NFATC4: variants seen among roughly 807,000 people sequenced by gnomAD.
NFATC4 encodes nuclear factor of activated T-cells, cytoplasmic 4.
A neutral mutation model predicts 73.4 loss-of-function variants in NFATC4; 25 were observed. The observed-to-expected ratio is 0.34, with a 90% CI of 0.25 to 0.48. The LOEUF is 0.48. Among genes scored for constraint, NFATC4 ranks in the 20% least tolerant of loss-of-function variants. The pLI is 0.99. For synonymous variants in NFATC4, 523 were observed against 510.3 expected (o/e 1.02, Z -0.34); for missense variants, 1,130 against 1,203.7 (o/e 0.94, Z 0.91).
At position 24,376,607 on chromosome 14, in the gene NFATC4, C is replaced by T. The variant is rs758212728; in HGVS notation, c.2370C>T (p.Asp790=). ...VSFLPRPFPS[D]PYGGRGSSFS... is the part of the protein sequence containing the mutation. ...TCCTTCCCCGCCCCTTCCCTAGTGA[C>T]CCGTATGGAGGGCGGGGCTCCTCTT... is the stretch of plus-strand genomic sequence containing the variant. Residue 790 remains aspartate (D), a synonymous_variant, in exon 9 of 10, where the codon GAC becomes GAT. Transcript: ENST00000250373. This position sits in a 1 kb window ranked among gnomAD's most constrained non-coding sequence, Gnocchi z 5.0. The T allele has an allele frequency of 1.2e-5, 19 of 1,613,712 alleles. No homozygotes were observed. The African/African-American group carries it at 1.2e-4, about 10-fold the overall frequency.
chr14:24,373,812 C>T lies in NFATC4; in HGVS notation c.1677C>T (p.Pro559=), dbSNP rs763486854. Residue 559 remains proline, a synonymous_variant, in exon 5 of 10, where the codon CCC becomes CCT. Coordinates refer to ENST00000250373, the MANE Select transcript of NFATC4 (RefSeq NM_004554.5). The surrounding 1 kb of genome is among the most constrained non-coding windows in gnomAD (Gnocchi z 4.7). Reference sequence around the variant, plus strand: ...GGCTGGTGTTCCGGGTACACGTGCCCCAGGGCGGCGGGAAGGTCGTCTCAG... The same window carrying T: ...GGCTGGTGTTCCGGGTACACGTGCCTCAGGGCGGCGGGAAGGTCGTCTCAG... ...RVRLVFRVHV[P]QGGGKVVSVQ... The T allele has an allele frequency of 5.6e-6, 9 of 1,613,984 alleles. No individual in the cohort carries two copies. The Admixed American group carries it at 1.0e-4, about 18-fold the overall frequency.
chr14:24,374,977 A>G (rs2042572600), intron 6 of NFATC4, among the ~76,000 whole-genome samples: 1 of 151,678 alleles, frequency 6.6e-6, no homozygotes, highest in African/African-American at 2.4e-5. Flanking sequence ...TTTTTTTGGT[A>G]GCAGGATCTC....
rs751137455 is a variant in NFATC4, at chr14:24,376,294, T to C, written c.2057T>C (p.Val686Ala). The change falls in exon 9 of 10, where the codon GTG becomes GCG. Residue 686 changes from valine (V) to alanine (A), a missense_variant and splice_region_variant. Val to Ala is a moderately conservative substitution (Grantham distance 64). Around this residue, in one of 3 missense-constraint regions of NFATC4, gnomAD observed 390 missense variants for 408.1 expected, o/e 0.96. Transcript: ENST00000250373. The surrounding 1 kb of genome is among the most constrained non-coding windows in gnomAD (Gnocchi z 5.0). Reference protein sequence around the residue: ...SPTQSFRFLPVICKEEPLPDS... With the variant: ...SPTQSFRFLPAICKEEPLPDS... ...GTCCTCCCACTTCCTGTCTTCCCAG[T>C]GATCTGCAAAGAGGAGCCCCTACCG... 6 of 1,565,460 alleles carry C rather than the reference T, an allele frequency of 3.8e-6. No homozygotes were observed. The South Asian group carries it at 4.8e-5, about 13-fold the overall frequency.
At position 24,377,227 on chromosome 14, in the gene NFATC4, T is replaced by A; in HGVS notation, c.2641+349T>A. 8.0e-7 allele frequency: 1 copy of A among 1,251,788 alleles called. No homozygotes were observed. The highest frequency in any genetic ancestry group is 1.0e-6 in the Non-Finnish European group (1 of 999,042). 77.5% of individuals were successfully genotyped at this position (1,251,788 alleles called of 1,614,324 possible). On this transcript the variant is annotated intron_variant, in intron 9 of 9. Transcript: ENST00000250373. This position sits in a 1 kb window ranked among gnomAD's most constrained non-coding sequence, Gnocchi z 4.2. ...GTTCCAGAGAGGGATGGTAGCTTGC[T>A]GAGGTCCCAGTCAAGCACACTTGCC... is the stretch of plus-strand genomic sequence containing the variant.
Position 24,376,980 on chromosome 14 carries a change from T to G in NFATC4, c.2641+102T>G. On this transcript the variant is annotated intron_variant, in intron 9 of 9. Coordinates refer to ENST00000250373, the MANE Select transcript of NFATC4 (RefSeq NM_004554.5). This position sits in a 1 kb window ranked among gnomAD's most constrained non-coding sequence, Gnocchi z 5.0. ...GGGCTTTTCAGAGATCGGGCATCCC[T>G]GGTCTCTCAGGGCCAGTTGGAGGTT... The G allele has an allele frequency of 7.0e-7, 1 of 1,420,528 alleles. No individual in the cohort carries two copies. The highest frequency in any genetic ancestry group is 9.2e-7 in the Non-Finnish European group (1 of 1,091,326). 88.0% of individuals were successfully genotyped at this position (1,420,528 alleles called of 1,614,324 possible). A position where few individuals can be genotyped will look rare whatever the true frequency, so the allele number is the denominator to read the frequency against.
At position 24,368,281 on chromosome 14, in the gene NFATC4, G is replaced by A; in HGVS notation, c.-60G>A. On this transcript the variant is annotated 5_prime_UTR_variant, in exon 1 of 10. Coordinates refer to ENST00000250373, the MANE Select transcript of NFATC4 (RefSeq NM_004554.5). ...AGGGAGCCACCCGGGTGAAGATACA[G>A]CAGCCTCCTGAACTCCCCCCTCCCA... 2 of 1,370,876 alleles carry A rather than the reference G, an allele frequency of 1.5e-6. No homozygotes were observed. The highest frequency in any genetic ancestry group is 3.1e-5 in the East Asian group (1 of 32,512). 84.9% of individuals were successfully genotyped at this position (1,370,876 alleles called of 1,614,324 possible).
rs2042630595 is a variant in NFATC4 at position 24,376,643 on chromosome 14, G to T, written c.2406G>T (p.Gly802=). The change falls in exon 9 of 10, where the codon GGG becomes GGT. Residue 802 remains glycine, a synonymous_variant. Transcript: ENST00000250373. This position sits in a 1 kb window ranked among gnomAD's most constrained non-coding sequence, Gnocchi z 5.0. ...YGGRGSSFSL[G]LPFSPPAPFR... Reference sequence around the variant, plus strand: ...GGCGGGGCTCCTCTTTCTCCCTGGGGCTGCCATTCTCTCCGCCAGCCCCCT... The same window carrying T: ...GGCGGGGCTCCTCTTTCTCCCTGGGTCTGCCATTCTCTCCGCCAGCCCCCT... 1 of 1,613,156 alleles carries T rather than the reference G, an allele frequency of 6.2e-7. No individual in the cohort carries two copies. Among genetic ancestry groups the T allele is most frequent in the Admixed American group, 1.7e-5 (1 of 59,922 alleles).
At chr14:24,371,300 C>T (rs541073791) in intron 2 of NFATC4, among the ~76,000 whole-genome samples, 10 of 152,288 alleles carry the variant, frequency 6.6e-5, no homozygotes, top group African/African-American at 2.2e-4. Context: ...AGTTTCTCAA[C>T]CTCAGCACTG....
At position 24,373,626 on chromosome 14, in the gene NFATC4, C is replaced by T. The variant is rs2042532504; in HGVS notation, c.1560-69C>T. 1.9e-6 allele frequency: 3 copies of T among 1,552,342 alleles called. No homozygotes were observed. The highest frequency in any genetic ancestry group is 2.7e-5 in the African/African-American group (2 of 73,262). On this transcript the variant is annotated intron_variant, in intron 4 of 9. Transcript: ENST00000250373. The surrounding 1 kb of genome is among the most constrained non-coding windows in gnomAD (Gnocchi z 4.7). ...GGCTTTGGATGGAGGGCGGGAACTT[C>T]CCTCTTTAGGGATGTATCACCATTT...
upstream of NFATC4, chr14:24,367,536 A>AG: frequency 6.5e-7 from 1 of 1,536,072 alleles, no homozygotes; most frequent in African/African-American, 1.4e-5. Flanking sequence ...GACTGCTCCC[A>AG]GAGGCATCCA....
Position 24,370,034 on chromosome 14 carries a change from C to G in NFATC4, c.636C>G (p.Gly212=). 6.2e-7 allele frequency: 1 copy of G among 1,610,980 alleles called. No homozygotes were observed. The highest frequency in any genetic ancestry group is 8.5e-7 in the Non-Finnish European group (1 of 1,179,934). Residue 212 remains glycine, a synonymous_variant, in exon 2 of 10, where the codon GGC becomes GGG. Coordinates refer to ENST00000250373, the MANE Select transcript of NFATC4 (RefSeq NM_004554.5). The stretch of plus-strand genomic sequence containing the variant: ...AGGCGGCCTCCCGCTTTGGCCTGGG[C>G]TCCCCGCTGCCCTCGCCCCGGGCCT... ...LNEAASRFGL[G]SPLPSPRASP...
intron 2 of NFATC4, chr14:24,372,207 C>G (rs2042490520): frequency 3.8e-6 from 2 of 519,930 alleles, no homozygotes; most frequent in Admixed American, 3.4e-5. Flanking sequence ...TCAAGGGGCT[C>G]TGTCCCCTAC....
intron 6 of NFATC4, among the ~76,000 whole-genome samples, chr14:24,375,047 T>C (rs947456391): frequency 1.3e-5 from 2 of 151,908 alleles, no homozygotes; most frequent in African/African-American, 4.8e-5. Flanking sequence ...AGCCTCAACC[T>C]CCTGGGCTCA....
At position 24,369,836 on chromosome 14, in the gene NFATC4, C is replaced by A. The variant is rs757079371; in HGVS notation, c.438C>A (p.Tyr146Ter). The A allele has an allele frequency of 6.2e-7, 1 of 1,604,474 alleles. No individual in the cohort carries two copies. Among genetic ancestry groups the A allele is most frequent in the Non-Finnish European group, 8.5e-7 (1 of 1,175,782 alleles). ...DAWGDGSPRD[Y>*]PPPEGFGGYR... ...GGGGGGACGGCTCTCCTAGAGATTA[C>A]CCCCCACCAGAAGGCTTTGGGGGCT... The change falls in exon 2 of 10, where the codon TAC (tyrosine) becomes TAA (stop). Residue 146 changes from tyrosine to a stop codon, truncating the protein, a stop_gained. Coordinates refer to ENST00000250373, the MANE Select transcript of NFATC4 (RefSeq NM_004554.5). LOFTEE classifies it high-confidence loss of function.
chr14:24,373,288 G>T lies in NFATC4; in HGVS notation c.1477G>T (p.Ala493Ser). 1 of 1,614,198 alleles carries T rather than the reference G, an allele frequency of 6.2e-7. No homozygotes were observed. Among genetic ancestry groups the T allele is most frequent in the East Asian group, 2.2e-5 (1 of 44,874 alleles). ...QVHRITGKMV[A>S]TASYEAVVSG... is the part of the protein sequence containing the mutation. ...GCACCGTATCACAGGCAAGATGGTG[G>T]CCACGGCCAGCTATGAAGCCGTAGT... The change falls in exon 4 of 10, where the codon GCC becomes TCC. Residue 493 changes from alanine (A) to serine (S), a missense_variant. Transcript: ENST00000250373. This position sits in a 1 kb window ranked among gnomAD's most constrained non-coding sequence, Gnocchi z 4.7.
rs1408995907 is a variant in NFATC4 at position 24,377,498 on chromosome 14, C to T, written c.2642-140C>T. On this transcript the variant is annotated intron_variant, in intron 9 of 9. Coordinates refer to ENST00000250373, the MANE Select transcript of NFATC4 (RefSeq NM_004554.5). The surrounding 1 kb of genome is among the most constrained non-coding windows in gnomAD (Gnocchi z 4.2). ...TCAAGACGTGTTGGGGAAACTGAGG[C>T]CCAGTGGAATAGAAGCCAGTAGAGG... is the stretch of plus-strand genomic sequence containing the variant. The T allele has an allele frequency of 1.6e-5, 24 of 1,474,796 alleles. No individual in the cohort carries two copies. The highest frequency in any genetic ancestry group is 2.4e-5 in the Admixed American group (1 of 40,872). The allele number at this position is 1,474,796 out of a possible 1,614,324, so 91.4% of individuals were successfully genotyped here.
upstream of NFATC4, chr14:24,366,916 C>G: frequency 1.3e-6 from 2 of 1,512,348 alleles, no homozygotes; most frequent in Admixed American, 2.3e-5. Flanking sequence ...TGTTTGTAAA[C>G]GTCTGACCTG....
intron 6 of NFATC4, among the ~76,000 whole-genome samples, chr14:24,375,073 A>C (rs530309998): frequency 8.5e-5 from 13 of 152,134 alleles, no homozygotes; most frequent in African/African-American, 3.1e-4. Flanking sequence ...TCCTCCAAAA[A>C]TATTCTGTGT....
rs1351225931 is a variant in NFATC4, at chr14:24,377,215, A to G, written c.2641+337A>G. 3 of 1,261,560 alleles carry G rather than the reference A, an allele frequency of 2.4e-6. No homozygotes were observed. Among genetic ancestry groups the G allele is most frequent in the East Asian group, 3.1e-5 (1 of 32,014 alleles). The allele number at this position is 1,261,560 out of a possible 1,614,324, so 78.1% of individuals were successfully genotyped here. On this transcript the variant is annotated intron_variant, in intron 9 of 9. Transcript: ENST00000250373. The surrounding 1 kb of genome is among the most constrained non-coding windows in gnomAD (Gnocchi z 4.2). ...TTTAGGCGTTGAGTTCCAGAGAGGG[A>G]TGGTAGCTTGCTGAGGTCCCAGTCA...
Sources: allele counts gnomAD v4.1 joint callset (sites outside exome capture counted in the v4.1 genomes callset), GRCh38; gene constraint gnomAD v4.1.1; regional missense constraint gnomAD v4.1.1; non-coding constraint Gnocchi (gnomAD v3.1); transcripts MANE v1.5; gene names NCBI Gene and HGNC (gene_info 2026-07-23, HGNC 2026-07-21).